The following CEP128 variants were observed in gnomAD, a reference collection of about 807,000 sequenced individuals.
The protein encoded by CEP128 is centrosomal protein 128kDa.
In CEP128, 132 loss-of-function variants were observed where a neutral mutation model predicts 156.7. The observed-to-expected ratio is 0.84, with a 90% confidence interval of 0.73 to 0.97. CEP128 has a LOEUF of 0.97. CEP128 is among the 50% of genes least tolerant of loss of function. CEP128 has a pLI of 0.00. For missense variants in CEP128, 1,252 were observed against 1,281.9 expected (o/e 0.98, Z 0.36); for synonymous variants, 469 against 448.9 (o/e 1.04, Z -0.57).
intron 15 of CEP128, among the ~76,000 whole-genome samples, chr14:80,779,697 G>T (rs1900998743): frequency 6.6e-6 from 1 of 152,142 alleles, no homozygotes; most frequent in African/African-American, 2.4e-5. Flanking sequence ...CTTGGCAAAT[G>T]CTATAAATCA....
intron 22 of CEP128, 96 bp downstream of exon 22, chr14:80,530,713 T>C: frequency 1.3e-6 from 1 of 793,428 alleles, no homozygotes; most frequent in African/African-American, 1.8e-5. Context: ...TTTTTGGTCC[T>C]TCTTCCTTTT....
chr14:80,679,947 TAGAA>T (rs556497807), intron 19 of CEP128, among the ~76,000 whole-genome samples: 13 of 152,108 alleles, frequency 8.5e-5, no homozygotes, highest in Non-Finnish European at 1.8e-4. Context: ...TTAGGGAAAA[TAGAA>T]AGAACCTACG....
intron 24 of CEP128, among the ~76,000 whole-genome samples, chr14:80,500,553 T>C (rs1261478114): frequency 6.6e-6 from 1 of 152,238 alleles, no homozygotes; most frequent in Admixed American, 6.5e-5. Flanking sequence ...GTAAGAATCA[T>C]TTTTAGCCAG....
chr14:80,612,350 G>A (rs572077910), intron 19 of CEP128, among the ~76,000 whole-genome samples: 2 of 152,306 alleles, frequency 1.3e-5, no homozygotes, highest in South Asian at 4.1e-4. Flanking sequence ...GGATGAAAAT[G>A]AAGGATTCTA....
chr14:80,753,255 A>G (rs1035058562), intron 18 of CEP128, among the ~76,000 whole-genome samples: 1 of 152,242 alleles, frequency 6.6e-6, no homozygotes, highest in Non-Finnish European at 1.5e-5. Context: ...GATCTTCCCT[A>G]GTAACATTTA....
chr14:80,774,285 G>C (rs748019034), intron 16 of CEP128, among the ~76,000 whole-genome samples: 3 of 151,920 alleles, frequency 2.0e-5, no homozygotes, highest in Non-Finnish European at 4.4e-5. Context: ...TAAAAGCAAG[G>C]CTTTAAAAAA....
intron 19 of CEP128, among the ~76,000 whole-genome samples, chr14:80,629,220 T>A (rs1547499): frequency 0.35 from 53,875 of 151,880 alleles, 11,343 homozygotes; most frequent in African/African-American, 0.59. Context: ...ATACTAGAGA[T>A]CAGCGATGTG....
chr14:80,739,929 T>G (rs1210377594), intron 19 of CEP128, among the ~76,000 whole-genome samples: 1 of 152,202 alleles, frequency 6.6e-6, no homozygotes, highest in Non-Finnish European at 1.5e-5. Flanking sequence ...CTTAATCAAC[T>G]TCTGCCAAAT....
chr14:80,894,645 TATCTTCAC>T (rs1889262807), intron 8 of CEP128: 3 of 460,334 alleles, frequency 6.5e-6, no homozygotes, highest in African/African-American at 6.1e-5. Context: ...ACAGGCATTG[TATCTTCAC>T]CTTTCCAAGG....
chr14:80,578,210 A>G (rs561562699), intron 20 of CEP128, among the ~76,000 whole-genome samples: 37 of 152,320 alleles, frequency 2.4e-4, no homozygotes, highest in Non-Finnish European at 5.0e-4. Flanking sequence ...GACATCTAGT[A>G]CACACAGCTT....
At chr14:80,790,232 AAAC>A (rs756910892) in intron 14 of CEP128, among the ~76,000 whole-genome samples, 13 of 152,106 alleles carry the variant, frequency 8.5e-5, no homozygotes, top group African/African-American at 1.9e-4. Flanking sequence ...AAACAAAACA[AAAC>A]AACAACAACA....
chr14:80,791,947 G>A (rs1316115322), intron 14 of CEP128, among the ~76,000 whole-genome samples: 1 of 152,092 alleles, frequency 6.6e-6, no homozygotes. Flanking sequence ...CTTTTGGAAT[G>A]TACAGAGTTC....
intron 14 of CEP128, among the ~76,000 whole-genome samples, chr14:80,483,161 A>G (rs557977966): frequency 6.6e-6 from 1 of 152,320 alleles, no homozygotes; most frequent in East Asian, 1.9e-4. Flanking sequence ...CCACATTGCA[A>G]AGCCAACTTA....
chr14:80,683,715 C>T (rs72690950), intron 19 of CEP128, among the ~76,000 whole-genome samples: 22,742 of 152,058 alleles, frequency 0.15, 1,984 homozygotes, highest in East Asian at 0.26. Context: ...ATAAGCTCAG[C>T]CCTAAAGAAA....
chr14:80,490,232 C>G (rs537561216), downstream of CEP128, among the ~76,000 whole-genome samples: 1 of 151,768 alleles, frequency 6.6e-6, no homozygotes, highest in African/African-American at 2.4e-5. Context: ...ATCTCGATGT[C>G]GACATTGAGG....
intron 13 of CEP128, among the ~76,000 whole-genome samples, chr14:80,806,210 A>C (rs1884166856): frequency 6.6e-6 from 1 of 152,158 alleles, no homozygotes; most frequent in African/African-American, 2.4e-5. Context: ...GTTATTTCCA[A>C]ACAAATCCTA....
intron 21 of CEP128, among the ~76,000 whole-genome samples, chr14:80,539,491 TCTTTA>T (rs2140304526): frequency 6.6e-6 from 1 of 152,352 alleles, no homozygotes; most frequent in Admixed American, 6.5e-5. Flanking sequence ...ATTACGCCTA[TCTTTA>T]CTTTAATCTC....
rs961426951 is a variant in CEP128 at position 80,870,638 on chromosome 14, T to G, written c.646-7765A>C. On this transcript the variant is annotated intron_variant, in intron 8 of 24. Transcript: ENST00000555265. ...ATATACAACAAGCCAACAGCTAACA[T>G]AGTACTCAACAGTAAAAATCTAAAA... 1.8e-4 allele frequency among the ~76,000 whole-genome samples: 27 copies of G among 152,000 alleles called. 1 individual carries two copies. The highest frequency in any genetic ancestry group is 6.0e-4 in the African/African-American group (25 of 41,394).
chr14:80,712,713 T>C (rs1014282031), intron 19 of CEP128, among the ~76,000 whole-genome samples: 1 of 152,138 alleles, frequency 6.6e-6, no homozygotes, highest in Non-Finnish European at 1.5e-5. Flanking sequence ...GGCAGCCTCA[T>C]CAAAGGCAGC....
Sources: gnomAD v4.1 joint callset for allele counts (sites outside exome capture counted in the v4.1 genomes callset) on GRCh38, gnomAD v4.1.1 for gene constraint, MANE v1.5 for transcripts, NCBI Gene and HGNC (gene_info 2026-07-23, HGNC 2026-07-21) for gene names.